DDAH1: variants seen among roughly 807,000 people sequenced by gnomAD.
The protein encoded by DDAH1 is N(G),N(G)-dimethylarginine dimethylaminohydrolase 1.
In DDAH1, 19 loss-of-function variants were observed where a neutral mutation model predicts 28.8. The ratio of observed to expected loss-of-function variants is 0.66; its 90% CI spans 0.46 to 0.97. The LOEUF (loss-of-function observed/expected upper bound fraction) is 0.97. Ranked by LOEUF, DDAH1 falls within the 50% of genes least tolerant of loss-of-function variation. The pLI, the probability that DDAH1 is intolerant of heterozygous loss-of-function variation, is 0.00. For missense variants in DDAH1, 326 were observed against 375.9 expected, an observed-to-expected ratio of 0.87 and a Z score of 1.10; for synonymous variants, 153 against 154.4, an observed-to-expected ratio of 0.99 and a Z score of 0.07.
At chr1:85,359,006 A>T (rs1282750411) in intron 1 of DDAH1, among the ~76,000 whole-genome samples, 159 bp from the exon 2 acceptor site, 1 of 152,200 alleles carries the variant, frequency 6.6e-6, no homozygotes, top group Non-Finnish European at 1.5e-5. Context: ...ATGTATGACC[A>T]GTCATGATCA....
intron 1 of DDAH1, among the ~76,000 whole-genome samples, chr1:85,411,350 T>C (rs977592387): frequency 6.6e-6 from 1 of 152,180 alleles, no homozygotes; most frequent in Non-Finnish European, 1.5e-5. Flanking sequence ...TAAGGTCAAG[T>C]AGGTCAAACA....
intron 1 of DDAH1, chr1:85,379,784 C>T: frequency 2.4e-6 from 2 of 850,588 alleles, no homozygotes; most frequent in Non-Finnish European, 2.8e-6. Flanking sequence ...CTTTAATCAC[C>T]AACCTTGGAA....
At chr1:85,430,192 A>G (rs1653609362) in intron 1 of DDAH1, among the ~76,000 whole-genome samples, 3 of 152,296 alleles carry the variant, frequency 2.0e-5, no homozygotes, top group African/African-American at 7.2e-5. Context: ...CAGGTTTGTC[A>G]AAGATCAGAT....
chr1:85,538,781 G>T (rs1250864787), intron 1 of DDAH1, among the ~76,000 whole-genome samples: 1 of 152,234 alleles, frequency 6.6e-6, no homozygotes, highest in Non-Finnish European at 1.5e-5. Context: ...ACTCAGGTGT[G>T]TAAAGAAAGA....
At chr1:85,372,379 A>G (rs987399514) in intron 1 of DDAH1, among the ~76,000 whole-genome samples, 1 of 152,172 alleles carries the variant, frequency 6.6e-6, no homozygotes, top group Admixed American at 6.6e-5. Context: ...GTTAAAAAAT[A>G]GTGAATTTTT....
intron 1 of DDAH1, chr1:85,376,636 T>A (rs1242570100): frequency 6.6e-6 from 1 of 151,950 alleles, no homozygotes; most frequent in Non-Finnish European, 1.5e-5. Flanking sequence ...CTTTTTTTTT[T>A]TAGCAAAATC....
At chr1:85,560,788 C>A (rs1374520509) in intron 1 of DDAH1, among the ~76,000 whole-genome samples, 1 of 151,906 alleles carries the variant, frequency 6.6e-6, no homozygotes, top group African/African-American at 2.4e-5. Context: ...AAACTGGCAA[C>A]CTATTTTGAA....
At chr1:85,382,216 A>C (rs1057102622) in intron 1 of DDAH1, among the ~76,000 whole-genome samples, 1 of 152,230 alleles carries the variant, frequency 6.6e-6, no homozygotes, top group Non-Finnish European at 1.5e-5. Flanking sequence ...TGAACACACG[A>C]CTAATAAGAA....
rs530608197 is a variant in DDAH1 at position 85,525,410 on chromosome 1, T to C, written c.-122-29129A>G. 2.0e-5 allele frequency among the ~76,000 whole-genome samples: 3 copies of C among 152,316 alleles called. No homozygotes were observed. The East Asian group carries it at 5.8e-4, about 29-fold the overall frequency. Reference sequence around the variant, plus strand: ...TTGATAGGACATGTCCTCTGGCTCATAGGAGAAACAGCAAAGGTTCAGTAC... The same window carrying C: ...TTGATAGGACATGTCCTCTGGCTCACAGGAGAAACAGCAAAGGTTCAGTAC... On this transcript the variant is annotated intron_variant, in intron 1 of 6. Coordinates refer to the DDAH1 transcript ENST00000426972.
At chr1:85,340,105 G>T (rs570692591) in intron 4 of DDAH1, among the ~76,000 whole-genome samples, 1 of 152,274 alleles carries the variant, frequency 6.6e-6, no homozygotes, top group South Asian at 2.1e-4. Context: ...GAAAATAAAT[G>T]GAAAAGGGTA....
At chr1:85,456,466 C>T (rs1292530706) in intron 1 of DDAH1, among the ~76,000 whole-genome samples, 1 of 152,146 alleles carries the variant, frequency 6.6e-6, no homozygotes, top group Non-Finnish European at 1.5e-5. Flanking sequence ...ACTTTGAGTA[C>T]TCATACAACC....
intron 1 of DDAH1, among the ~76,000 whole-genome samples, chr1:85,566,229 T>C (rs1413680163): frequency 1.3e-5 from 2 of 151,074 alleles, no homozygotes; most frequent in African/African-American, 4.9e-5. Context: ...GAATGGGCCA[T>C]GTGAGGTGGC....
intron 1 of DDAH1, among the ~76,000 whole-genome samples, chr1:85,391,450 G>C (rs539046297): frequency 5.3e-5 from 8 of 152,292 alleles, no homozygotes; most frequent in South Asian, 4.1e-4. Context: ...CTGGGCGACA[G>C]AGTGAGACCC....
At chr1:85,357,453 A>G (rs1649549787) in intron 2 of DDAH1, among the ~76,000 whole-genome samples, 2 of 152,254 alleles carry the variant, frequency 1.3e-5, no homozygotes, top group South Asian at 4.1e-4. Context: ...ATGTCACAGA[A>G]TAAACACTAT....
At chr1:85,569,275 A>G (rs1279596555) in intron 1 of DDAH1, among the ~76,000 whole-genome samples, 2 of 152,194 alleles carry the variant, frequency 1.3e-5, no homozygotes, top group African/African-American at 4.8e-5. Flanking sequence ...TCCAGGTTTT[A>G]TCTGAAGCAG....
chr1:85,385,234 AAC>A (rs1292192617), intron 1 of DDAH1, among the ~76,000 whole-genome samples: 1 of 152,242 alleles, frequency 6.6e-6, no homozygotes, highest in African/African-American at 2.4e-5. Context: ...AGCAGCTGGA[AAC>A]ACAGAACCAT....
At chr1:85,540,984 T>A (rs887586338) in intron 1 of DDAH1, among the ~76,000 whole-genome samples, 15 of 130,042 alleles carry the variant, frequency 1.2e-4, no homozygotes, top group South Asian at 5.0e-4. Flanking sequence ...AAAAAAAAAA[T>A]GTATATCTAT....
intron 2 of DDAH1, among the ~76,000 whole-genome samples, chr1:85,479,080 T>C (rs998318570): frequency 6.6e-6 from 1 of 152,054 alleles, no homozygotes; most frequent in African/African-American, 2.4e-5. Context: ...ATTATTGATT[T>C]GCTATAGCCC....
intron 1 of DDAH1, among the ~76,000 whole-genome samples, chr1:85,555,294 T>C (rs2100798889): frequency 6.6e-6 from 1 of 152,368 alleles, no homozygotes; most frequent in East Asian, 1.9e-4. Context: ...TACAGCATTG[T>C]ATAGTTGGCA....
Sources: gnomAD v4.1 joint callset for allele counts (sites outside exome capture counted in the v4.1 genomes callset) on GRCh38, gnomAD v4.1.1 for gene constraint, MANE v1.5 for transcripts, NCBI Gene and HGNC (gene_info 2026-07-23, HGNC 2026-07-21) for gene names.